Variants in MGRN1 observed in about 807,000 individuals in gnomAD.
MGRN1 encodes E3 ubiquitin-protein ligase MGRN1.
Under a neutral mutation model 69.2 loss-of-function variants are expected in MGRN1, and 29 were observed. The observed-to-expected ratio is 0.42, with a 90% CI of 0.31 to 0.57. MGRN1 has a LOEUF of 0.57. Ranked by LOEUF, MGRN1 falls within the 20% of genes least tolerant of loss-of-function variation. MGRN1 has a pLI of 0.15. For missense variants in MGRN1, 998 were observed against 796.2 expected, an observed-to-expected ratio of 1.25 and a Z score of -3.05; for synonymous variants, 470 against 344.2, an observed-to-expected ratio of 1.37 and a Z score of -4.04.
intron 1 of MGRN1, among the ~76,000 whole-genome samples, chr16:4,639,426 G>C (rs1360365424): frequency 6.6e-6 from 1 of 152,212 alleles, no homozygotes; most frequent in Non-Finnish European, 1.5e-5. Flanking sequence ...TGCAGAGCGG[G>C]GAGCTTGGCC....
chr16:4,655,464 A>G (rs2078514138), intron 4 of MGRN1, among the ~76,000 whole-genome samples: 1 of 151,790 alleles, frequency 6.6e-6, no homozygotes, highest in African/African-American at 2.4e-5. Flanking sequence ...CAGGAATCAC[A>G]GAGCAGGAAC....
At chr16:4,665,244 T>G in intron 7 of MGRN1, 93 bp downstream of exon 7, 1 of 1,406,906 alleles carries the variant, frequency 7.1e-7, no homozygotes, top group South Asian at 1.2e-5. Flanking sequence ...GGGCTGGGGC[T>G]TGGTGGGGTG....
At position 4,624,957 on chromosome 16, in the gene MGRN1, C is replaced by T. The variant is rs1475847798; in HGVS notation, c.-4C>T. On this transcript the variant is annotated 5_prime_UTR_variant, in exon 1 of 17. Coordinates refer to ENST00000262370, the MANE Select transcript of MGRN1 (RefSeq NM_015246.4). ...GGCCCCTCTGCCCGGCAGCGCCGCG[C>T]ACCATGGGCTCCATTCTCAGCCGCC... 2 of 1,544,500 alleles carry T rather than the reference C, an allele frequency of 1.3e-6. No individual in the cohort carries two copies. The highest frequency in any genetic ancestry group is 1.7e-6 in the Non-Finnish European group (2 of 1,148,496).
In MGRN1 at chr16:4,632,993, G is replaced by A. The variant is rs151132864; in HGVS notation, c.88+7945G>A. On this transcript the variant is annotated intron_variant, in intron 1 of 16. Coordinates refer to ENST00000262370, the MANE Select transcript of MGRN1 (RefSeq NM_015246.4). ...AGCTACCTGGTGGGCTGAGGTGGGA[G>A]GATTGCTTGAGCTCAGGAGGTCGAG... 1.4e-4 allele frequency among the ~76,000 whole-genome samples: 21 copies of A among 152,298 alleles called. No individual in the cohort carries two copies. The South Asian group carries it at 2.3e-3, about 17-fold the overall frequency.
chr16:4,625,475 A>G (rs1286490313), intron 1 of MGRN1, among the ~76,000 whole-genome samples: 4 of 152,322 alleles, frequency 2.6e-5, no homozygotes, highest in East Asian at 1.9e-4. Context: ...GCTTGGTGTG[A>G]AGGCCGAGCC....
Position 4,664,284 on chromosome 16 carries a change from C to A in MGRN1, c.562-425C>A, listed in dbSNP as rs118060041. ...CAGAAGGTCACCTGTTGTGCAATTC[C>A]ATGTAAATGACAGGTCCAAAAATGG... is the stretch of plus-strand genomic sequence containing the variant. On this transcript the variant is annotated intron_variant, in intron 5 of 16. Coordinates refer to ENST00000262370, the MANE Select transcript of MGRN1 (RefSeq NM_015246.4). The A allele has an allele frequency of 6.0e-3, 1,570 of 261,822 alleles. 9 individuals are homozygous for A. Among genetic ancestry groups the A allele is most frequent in the Middle Eastern group, 0.023 (16 of 690 alleles). The allele number at this position is 261,822 out of a possible 1,614,324, so 16.2% of individuals were successfully genotyped here.
At chr16:4,661,747 A>G (rs1244332201) in intron 5 of MGRN1, among the ~76,000 whole-genome samples, 1 of 152,158 alleles carries the variant, frequency 6.6e-6, no homozygotes, top group Non-Finnish European at 1.5e-5. Context: ...TGTCCATCCC[A>G]TGGGACTTGT....
At chr16:4,688,556 C>T in intron 16 of MGRN1, 1 of 1,283,640 alleles carries the variant, frequency 7.8e-7, no homozygotes, top group Non-Finnish European at 9.9e-7. Context: ...TGCAGATCTG[C>T]TGTGGGTGTC....
intron 11 of MGRN1, 38 bp downstream of exon 11, chr16:4,677,610 G>C: frequency 6.3e-7 from 1 of 1,581,210 alleles, no homozygotes; most frequent in East Asian, 2.2e-5. Context: ...GGGCGGGAGA[G>C]GGGCATGAGT....
In MGRN1 at chr16:4,689,187, C is replaced by T. The variant is rs1269576606; in HGVS notation, c.*279C>T. On this transcript the variant is annotated 3_prime_UTR_variant, in exon 17 of 17. Coordinates refer to ENST00000262370, the MANE Select transcript of MGRN1 (RefSeq NM_015246.4). ...GTTCCCCAGGGTCCTGTGGGCTGAG[C>T]GGCTGGGGCTGGGGCTGCCCACGTG... is the stretch of plus-strand genomic sequence containing the variant. 7 of 402,534 alleles carry T rather than the reference C, an allele frequency of 1.7e-5. No homozygotes were observed. The highest frequency in any genetic ancestry group is 2.6e-5 in the Non-Finnish European group (6 of 230,836). 24.9% of individuals were successfully genotyped at this position (402,534 alleles called of 1,614,324 possible).
intron 5 of MGRN1, among the ~76,000 whole-genome samples, chr16:4,657,738 C>CT (rs1157518931): frequency 0.16 from 12,345 of 77,040 alleles, 3,556 homozygotes; most frequent in Non-Finnish European, 0.18. Context: ...TGCAGACATC[C>CT]TTTTTTTTTT....
intron 1 of MGRN1, among the ~76,000 whole-genome samples, chr16:4,643,477 C>A (rs1270965812): frequency 6.9e-6 from 1 of 144,534 alleles, no homozygotes; most frequent in Non-Finnish European, 1.5e-5. Flanking sequence ...TCAAGGAATT[C>A]TCCTGCCTCA....
In MGRN1 at chr16:4,683,879, ACAG is replaced by A. The variant is rs1347768471; in HGVS notation, c.1570_1572del (p.Ser524del). On this transcript the variant is annotated inframe_deletion, in exon 16 of 17. Transcript: ENST00000262370. ...GCTTCCATTGAGAATGTCCTGCAGGACAGCAGCCCCGAGCACTGTGGCCGAGGC... is the reference window on the plus strand; with the variant it reads ...GCTTCCATTGAGAATGTCCTGCAGGACAGCCCCGAGCACTGTGGCCGAGGC... 1.9e-5 allele frequency: 31 copies of A among 1,599,254 alleles called. No homozygotes were observed. The highest frequency in any genetic ancestry group is 1.7e-4 in the Middle Eastern group (1 of 5,980).
intron 1 of MGRN1, chr16:4,648,951 G>A: frequency 6.3e-6 from 1 of 159,786 alleles, no homozygotes; most frequent in Non-Finnish European, 1.4e-5. Context: ...CCTCTCCGGG[G>A]CTGTGTGCCA....
intron 11 of MGRN1, among the ~76,000 whole-genome samples, chr16:4,678,208 G>C (rs1224444922): frequency 1.3e-5 from 2 of 152,212 alleles, no homozygotes; most frequent in African/African-American, 4.8e-5. Flanking sequence ...AGGGGCACTG[G>C]TGACCCTCCT....
At chr16:4,688,525 T>C in intron 16 of MGRN1, 2 of 1,235,238 alleles carry the variant, frequency 1.6e-6, no homozygotes, top group Non-Finnish European at 2.0e-6. Flanking sequence ...CGCGGTGCCG[T>C]GTCGCGCTCT....
At chr16:4,681,456 C>T (rs1348636959) in intron 12 of MGRN1, 94 bp from the exon 13 acceptor site, 5 of 1,254,392 alleles carry the variant, frequency 4.0e-6, no homozygotes, top group Non-Finnish European at 4.4e-6. Context: ...CTCAATCCCC[C>T]AAAGAACAGA....
chr16:4,678,953 C>T (rs2079115803), intron 11 of MGRN1, among the ~76,000 whole-genome samples: 2 of 152,328 alleles, frequency 1.3e-5, no homozygotes, highest in African/African-American at 2.4e-5. Flanking sequence ...GTTTAAAAGT[C>T]TGGAATTTCC....
intron 1 of MGRN1, among the ~76,000 whole-genome samples, chr16:4,629,882 C>T (rs569477419): frequency 1.3e-5 from 2 of 151,546 alleles, no homozygotes; most frequent in African/African-American, 4.9e-5. Flanking sequence ...CTCGTCTCTA[C>T]TAAAAATACA....
Sources: gnomAD v4.1 joint callset for allele counts (sites outside exome capture counted in the v4.1 genomes callset) on GRCh38, gnomAD v4.1.1 for gene constraint, MANE v1.5 for transcripts, NCBI Gene and HGNC (gene_info 2026-07-23, HGNC 2026-07-21) for gene names.